Variants in HMGA2 observed in about 807,000 individuals in gnomAD.
HMGA2 encodes high mobility group AT-hook 2.
In HMGA2, 8 loss-of-function variants were observed where a neutral mutation model predicts 19.1. The ratio of observed to expected loss-of-function variants is 0.42; its 90% CI spans 0.25 to 0.76. HMGA2 has a LOEUF of 0.76. HMGA2 is among the 30% of genes least tolerant of loss of function. The pLI is 0.28. For missense variants in HMGA2, 109 were observed against 136.3 expected, an observed-to-expected ratio of 0.80 and a Z score of 1.00; for synonymous variants, 60 against 48.8, an observed-to-expected ratio of 1.23 and a Z score of -0.96.
intron 3 of HMGA2, among the ~76,000 whole-genome samples, chr12:65,896,019 G>T (rs1312017488): frequency 6.6e-6 from 1 of 152,158 alleles, no homozygotes; most frequent in Non-Finnish European, 1.5e-5. Context: ...AACTCAGCAG[G>T]ACAAAGGAGA....
intron 3 of HMGA2, among the ~76,000 whole-genome samples, chr12:65,921,648 T>G (rs964459106): frequency 2.0e-5 from 3 of 152,190 alleles, no homozygotes; most frequent in African/African-American, 7.2e-5. Flanking sequence ...GAGGAGAAAT[T>G]CAAGCCAGCT....
chr12:65,954,509 A>G (rs1592466859), intron 4 of HMGA2: 2 of 152,316 alleles, frequency 1.3e-5, no homozygotes, highest in South Asian at 4.1e-4. Flanking sequence ...TCTCCTCAGA[A>G]CTTCAAGAAT....
At chr12:65,949,458 C>T (rs752262084) in intron 3 of HMGA2, among the ~76,000 whole-genome samples, 15 of 152,118 alleles carry the variant, frequency 9.9e-5, no homozygotes, top group Non-Finnish European at 1.6e-4. Context: ...GAAAGCATGT[C>T]GCTATCCACA....
At chr12:65,898,149 T>G (rs1465531301) in intron 3 of HMGA2, among the ~76,000 whole-genome samples, 1 of 152,120 alleles carries the variant, frequency 6.6e-6, no homozygotes, top group Non-Finnish European at 1.5e-5. Context: ...CAGGCTTCTG[T>G]CTAGCCAAGG....
chr12:65,864,084 A>C (rs1872256905), intron 3 of HMGA2, among the ~76,000 whole-genome samples: 1 of 152,172 alleles, frequency 6.6e-6, no homozygotes, highest in Non-Finnish European at 1.5e-5. Context: ...TCCAAGCAGC[A>C]TGAGGGATTT....
Position 65,825,425 on chromosome 12 carries a change from C to T in HMGA2, c.111+44C>T. 1 of 1,389,150 alleles carries T rather than the reference C, an allele frequency of 7.2e-7. No individual in the cohort carries two copies. Among genetic ancestry groups the T allele is most frequent in the Non-Finnish European group, 9.6e-7 (1 of 1,038,282 alleles). The allele number at this position is 1,389,150 out of a possible 1,614,324, so 86.1% of individuals were successfully genotyped here. ...TGGGGGCACCAGCCCACCCCGTCCCCACTGCCGGGGCCCAGACACGCGCGG... is the reference window on the plus strand; with the variant it reads ...TGGGGGCACCAGCCCACCCCGTCCCTACTGCCGGGGCCCAGACACGCGCGG... On this transcript the variant is annotated intron_variant, in intron 1 of 4. Coordinates refer to ENST00000403681, the MANE Select transcript of HMGA2 (RefSeq NM_003483.6). This position sits in a 1 kb window ranked among gnomAD's most constrained non-coding sequence, Gnocchi z 4.4.
rs2121336461 is a variant in HMGA2 at position 65,964,942 on chromosome 12, T to C, written c.*1650T>C. 5.3e-6 allele frequency: 1 copy of C among 188,318 alleles called. No individual in the cohort carries two copies. The highest frequency in any genetic ancestry group is 2.0e-4 in the South Asian group (1 of 5,120). 11.7% of individuals were successfully genotyped at this position (188,318 alleles called of 1,614,324 possible). A position where few individuals can be genotyped will look rare whatever the true frequency, so the allele number is the denominator to read the frequency against. ...AAATGAATTCTTTAAGGAGATGGAC[T>C]AATTGACTTGCAAAGACCTACCTCC... On this transcript the variant is annotated 3_prime_UTR_variant, in exon 5 of 5. Coordinates refer to ENST00000403681, the MANE Select transcript of HMGA2 (RefSeq NM_003483.6).
intron 3 of HMGA2, among the ~76,000 whole-genome samples, chr12:65,908,218 A>T (rs1232321912): frequency 6.6e-6 from 1 of 152,170 alleles, no homozygotes; most frequent in Non-Finnish European, 1.5e-5. Flanking sequence ...ACTGTCAAAC[A>T]GCCATTACAT....
At chr12:65,940,187 T>A (rs1876045060) in intron 3 of HMGA2, among the ~76,000 whole-genome samples, 1 of 152,152 alleles carries the variant, frequency 6.6e-6, no homozygotes, top group Non-Finnish European at 1.5e-5. Flanking sequence ...TGAATTTCTT[T>A]TCTATAGAGT....
intron 3 of HMGA2, chr12:65,881,976 C>T: frequency 2.9e-6 from 2 of 697,530 alleles, no homozygotes; most frequent in Non-Finnish European, 5.2e-6. Context: ...TGCAGCTGAA[C>T]GTCTCCATCT....
intron 3 of HMGA2, chr12:65,858,221 T>C (rs563386968): frequency 6.5e-6 from 1 of 152,740 alleles, no homozygotes; most frequent in Admixed American, 6.5e-5. Flanking sequence ...TGTGTACTAA[T>C]TTGAGAAAAT....
chr12:65,915,397 T>G (rs1875057514), intron 3 of HMGA2: 2 of 1,292,410 alleles, frequency 1.5e-6, no homozygotes, highest in Admixed American at 3.3e-5. Flanking sequence ...GAGCCATGCC[T>G]GCGGGGACAG....
At position 65,825,164 on chromosome 12, in the gene HMGA2, C is replaced by G; in HGVS notation, c.-107C>G. 1 of 966,534 alleles carries G rather than the reference C, an allele frequency of 1.0e-6. No homozygotes were observed. 59.9% of individuals were successfully genotyped at this position (966,534 alleles called of 1,614,324 possible). A position where few individuals can be genotyped will look rare whatever the true frequency, so the allele number is the denominator to read the frequency against. On this transcript the variant is annotated 5_prime_UTR_variant, in exon 1 of 5. Transcript: ENST00000403681. The surrounding 1 kb of genome is among the most constrained non-coding windows in gnomAD (Gnocchi z 4.4). ...GCAGCCCGCCAGCTCGCGCTCGCCC[C>G]GCCGGCGTCCCCAGCCCTATCACCT...
chr12:65,842,590 G>T lies in HMGA2; in HGVS notation c.249+4021G>T. The T allele has an allele frequency of 2.6e-6, 4 of 1,532,132 alleles. No homozygotes were observed. In the South Asian group the frequency reaches 4.8e-5, roughly 18 times the overall value. 94.9% of individuals were successfully genotyped at this position (1,532,132 alleles called of 1,614,324 possible). ...ACATTTTAATTCTCTTTGCTATTAAGGAGGAGTTTTACATTGCAGCTTAGA... is the reference window on the plus strand; with the variant it reads ...ACATTTTAATTCTCTTTGCTATTAATGAGGAGTTTTACATTGCAGCTTAGA... On this transcript the variant is annotated intron_variant, in intron 3 of 4. Coordinates refer to ENST00000403681, the MANE Select transcript of HMGA2 (RefSeq NM_003483.6).
At chr12:65,853,635 C>T (rs984426162) in intron 3 of HMGA2, among the ~76,000 whole-genome samples, 4 of 152,112 alleles carry the variant, frequency 2.6e-5, no homozygotes, top group African/African-American at 9.7e-5. Context: ...CGTTTTTGGC[C>T]TCCTAAGTCA....
intron 1 of HMGA2, among the ~76,000 whole-genome samples, 164 bp from the exon 2 acceptor site, chr12:65,827,837 C>T (rs1195041790): frequency 6.6e-6 from 1 of 152,106 alleles, no homozygotes; most frequent in African/African-American, 2.4e-5. Context: ...TAGTTATTTC[C>T]CCTTTCTGTA....
chr12:65,859,449 T>C (rs2120966717), intron 3 of HMGA2: 1 of 152,332 alleles, frequency 6.6e-6, no homozygotes, highest in African/African-American at 2.4e-5. Flanking sequence ...TCATTTGTGG[T>C]TAAATAATAC....
intron 3 of HMGA2, among the ~76,000 whole-genome samples, chr12:65,927,845 GTGTGTGTATA>G (rs966994660): frequency 4.0e-5 from 6 of 149,692 alleles, no homozygotes; most frequent in Admixed American, 2.7e-4. Flanking sequence ...GTGTGTGTGT[GTGTGTGTATA>G]TATATTTTTT....
chr12:65,829,362 A>G (rs1337063554), intron 2 of HMGA2, among the ~76,000 whole-genome samples: 1 of 152,096 alleles, frequency 6.6e-6, no homozygotes, highest in Admixed American at 6.6e-5. Context: ...AGCTCTAAGT[A>G]ACCTTGTTAT....
Sources: allele counts gnomAD v4.1 joint callset (sites outside exome capture counted in the v4.1 genomes callset), GRCh38; gene constraint gnomAD v4.1.1; non-coding constraint Gnocchi (gnomAD v3.1); transcripts MANE v1.5; gene names NCBI Gene and HGNC (gene_info 2026-07-23, HGNC 2026-07-21).